PRDM13: variants seen among roughly 807,000 people sequenced by gnomAD.
PRDM13 encodes the protein PR/SET domain 13.
PRDM13 carries 15 observed loss-of-function variants against 36.4 expected under a neutral mutation model. The observed-to-expected ratio is 0.41, with a 90% CI of 0.28 to 0.64. The LOEUF (loss-of-function observed/expected upper bound fraction) is 0.64, where lower values mean the gene tolerates loss of function less well. Ranked by LOEUF, PRDM13 falls within the 30% of genes least tolerant of loss-of-function variation. The pLI is 0.29. For missense variants in PRDM13, 1,044 were observed against 1,013.5 expected (o/e 1.03, Z -0.41); for synonymous variants, 531 against 467.7 (o/e 1.14, Z -1.75).
Position 99,613,575 on chromosome 6 carries a change from G to A in PRDM13, c.940G>A (p.Glu314Lys). The A allele has an allele frequency of 6.6e-7, 1 of 1,506,068 alleles. No homozygotes were observed. The highest frequency in any genetic ancestry group is 1.2e-5 in the South Asian group (1 of 81,358). The allele number at this position is 1,506,068 out of a possible 1,614,324, so 93.3% of individuals were successfully genotyped here. The change falls in exon 4 of 4, where the codon GAG (glutamate) becomes AAG (lysine). Residue 314 changes from glutamate (E) to lysine (K), a missense_variant. This residue lies in a region of PRDM13 where 921 missense variants were observed against 865.2 expected (regional missense o/e 1.06). Coordinates refer to ENST00000369215, the MANE Select transcript of PRDM13 (RefSeq NM_021620.4). This position sits in a 1 kb window ranked among gnomAD's most constrained non-coding sequence, Gnocchi z 6.1. ...GGCCGCTCACGGCGACCCCTACCGG[G>A]AGGAGAGCAGCAGCAAGCAAGGAGC... ...AAAAHGDPYR[E>K]ESSSKQGAGL...
Position 99,608,682 on chromosome 6 carries a change from T to C in PRDM13, c.145-59T>C. On this transcript the variant is annotated intron_variant, in intron 1 of 3. Transcript: ENST00000369215. ...GGGTTGGGGTGGAGGATAAACTTTC[T>C]GTTTGGGTTGTGGGCCTGGCCAAGG... The C allele has an allele frequency of 3.2e-6, 5 of 1,540,400 alleles. No homozygotes were observed. In the South Asian group the frequency reaches 6.3e-5, roughly 19 times the overall value.
chr6:99,609,477 T>C (rs951551419), intron 3 of PRDM13, among the ~76,000 whole-genome samples, 170 bp downstream of exon 3: 3 of 151,962 alleles, frequency 2.0e-5, no homozygotes, highest in Non-Finnish European at 2.9e-5. Flanking sequence ...CCATAAACGA[T>C]AACAGTGATA....
chr6:99,608,963 A>T, intron 2 of PRDM13, 91 bp downstream of exon 2: 3 of 1,500,592 alleles, frequency 2.0e-6, no homozygotes, highest in Non-Finnish European at 2.7e-6. Context: ...TATTAAGAGC[A>T]AAGTACTTTA....
rs777548294 is a variant in PRDM13 at position 99,613,864 on chromosome 6, C to T, written c.1229C>T (p.Pro410Leu). Residue 410 changes from proline to leucine, a missense_variant, in exon 4 of 4, where the codon CCC (proline) becomes CTC (leucine). By Grantham distance (98) the Pro-to-Leu change is moderately conservative. Transcript: ENST00000369215. This position sits in a 1 kb window ranked among gnomAD's most constrained non-coding sequence, Gnocchi z 6.1. The part of the protein sequence containing the change: ...SAFKHVERAP[P>L]AAAALPGARY... ...TTCAAGCACGTGGAGCGCGCCCCGC[C>T]CGCAGCCGCCGCGCTGCCAGGAGCG... 18 of 1,509,222 alleles carry T rather than the reference C, an allele frequency of 1.2e-5. No homozygotes were observed. Among genetic ancestry groups the T allele is most frequent in the Non-Finnish European group, 1.6e-5 (18 of 1,136,152 alleles). 93.5% of individuals were successfully genotyped at this position (1,509,222 alleles called of 1,614,324 possible). A position where few individuals can be genotyped will look rare whatever the true frequency, so the allele number is the denominator to read the frequency against.
rs200937927 is a variant in PRDM13, at chr6:99,613,123, G to C, written c.488G>C (p.Ser163Thr). Reference sequence around the variant, plus strand: ...CACCTGCGTTTCCACTGCGTGTTCAGCGGCGGTGGAGGCGGCGCCTTCCTG... The same window carrying C: ...CACCTGCGTTTCCACTGCGTGTTCACCGGCGGTGGAGGCGGCGCCTTCCTG... ...KAHLRFHCVF[S>T]GGGGGAFLHH... Residue 163 changes from serine (S) to threonine (T), a missense_variant, in exon 4 of 4, where the codon AGC becomes ACC. Physicochemically the swap from Ser to Thr is moderately conservative, Grantham distance 58. Transcript: ENST00000369215. This position sits in a 1 kb window ranked among gnomAD's most constrained non-coding sequence, Gnocchi z 6.1. The C allele has an allele frequency of 2.6e-4, 422 of 1,613,472 alleles. 6 individuals are homozygous for C. In the Admixed American group the frequency reaches 6.9e-3, roughly 27 times the overall value.
chr6:99,609,394 G>A (rs1770000662), intron 3 of PRDM13, 87 bp downstream of exon 3: 4 of 1,502,070 alleles, frequency 2.7e-6, no homozygotes, highest in Non-Finnish European at 3.6e-6. Flanking sequence ...CTCGATCTAT[G>A]TAAAATGGAA....
intron 2 of PRDM13, 103 bp downstream of exon 2, chr6:99,608,975 C>T (rs1769993795): frequency 6.8e-7 from 1 of 1,468,384 alleles, no homozygotes; most frequent in African/African-American, 1.4e-5. Context: ...AGTACTTTAG[C>T]TAGACGTCTC....
Position 99,615,036 on chromosome 6 carries a change from C to G in PRDM13, c.*277C>G. On this transcript the variant is annotated 3_prime_UTR_variant, in exon 4 of 4. Transcript: ENST00000369215. Reference sequence around the variant, plus strand: ...TCTGGACTTCTTGGATGAGCTCACCCTGAACCGCCCAGGCGGTCTGCTCTT... The same window carrying G: ...TCTGGACTTCTTGGATGAGCTCACCGTGAACCGCCCAGGCGGTCTGCTCTT... 3 of 498,326 alleles carry G rather than the reference C, an allele frequency of 6.0e-6. 1 individual carries two copies. The Admixed American group carries it at 1.1e-4, about 19-fold the overall frequency. The allele number at this position is 498,326 out of a possible 1,614,324, so 30.9% of individuals were successfully genotyped here. A position where few individuals can be genotyped will look rare whatever the true frequency, so the allele number is the denominator to read the frequency against.
Position 99,613,490 on chromosome 6 carries a change from G to T in PRDM13, c.855G>T (p.Leu285=). The T allele has an allele frequency of 6.5e-7, 1 of 1,529,180 alleles. No homozygotes were observed. Among genetic ancestry groups the T allele is most frequent in the East Asian group, 2.5e-5 (1 of 40,316 alleles). The allele number at this position is 1,529,180 out of a possible 1,614,324, so 94.7% of individuals were successfully genotyped here. A position where few individuals can be genotyped will look rare whatever the true frequency, so the allele number is the denominator to read the frequency against. ...VGGSSAGVGS[L]AFYPGVRSAF... ...GCTCCTCGGCGGGGGTCGGCAGCCT[G>T]GCTTTCTACCCCGGCGTGCGCTCAG... The change falls in exon 4 of 4, where the codon CTG becomes CTT. Residue 285 remains leucine, a synonymous_variant. Transcript: ENST00000369215. This position sits in a 1 kb window ranked among gnomAD's most constrained non-coding sequence, Gnocchi z 6.1.
rs1188391791 is a variant in PRDM13, at chr6:99,613,923, C to T, written c.1288C>T (p.Pro430Ser). ...GCAGCTGCCCCCTGCGCCGGGGTTG[C>T]CCCTCGAGCGCTGCGCGCTGCCGCC... ...YAQLPPAPGLPLERCALPPLD... is the reference protein window; with the variant it reads ...YAQLPPAPGLSLERCALPPLD... Residue 430 changes from proline (P) to serine (S), a missense_variant, in exon 4 of 4, where the codon CCC (proline) becomes TCC (serine). Physicochemically the swap from Pro to Ser is moderately conservative, Grantham distance 74 (BLOSUM62 -1). Around this residue, in one of 3 missense-constraint regions of PRDM13, gnomAD observed 921 missense variants for 865.2 expected, o/e 1.06. Coordinates refer to ENST00000369215, the MANE Select transcript of PRDM13 (RefSeq NM_021620.4). The surrounding 1 kb of genome is among the most constrained non-coding windows in gnomAD (Gnocchi z 6.1). The T allele has an allele frequency of 1.9e-6, 3 of 1,586,658 alleles. No homozygotes were observed. Among genetic ancestry groups the T allele is most frequent in the Non-Finnish European group, 1.7e-6 (2 of 1,171,058 alleles).
At position 99,612,988 on chromosome 6, in the gene PRDM13, T is replaced by G. The variant is rs746225411; in HGVS notation, c.398-45T>G. ...CACTGGCGCTTTCTTTATGTCTCGCTTGTTCGCCTCTCACCGGGTCGCTTT... is the reference window on the plus strand; with the variant it reads ...CACTGGCGCTTTCTTTATGTCTCGCGTGTTCGCCTCTCACCGGGTCGCTTT... On this transcript the variant is annotated intron_variant, in intron 3 of 3. Coordinates refer to ENST00000369215, the MANE Select transcript of PRDM13 (RefSeq NM_021620.4). The G allele has an allele frequency of 3.1e-6, 5 of 1,606,464 alleles. No individual in the cohort carries two copies. The East Asian group carries it at 8.9e-5, about 29-fold the overall frequency.
chr6:99,613,426 C>A lies in PRDM13; in HGVS notation c.791C>A (p.Ala264Asp). 2.6e-6 allele frequency: 4 copies of A among 1,552,084 alleles called. No individual in the cohort carries two copies. The highest frequency in any genetic ancestry group is 3.7e-5 in the Admixed American group (2 of 53,480). The change falls in exon 4 of 4, where the codon GCC (alanine) becomes GAC (aspartate). Residue 264 changes from alanine (A) to aspartate (D), a missense_variant. By Grantham distance (126) the Ala-to-Asp change is moderately radical. Transcript: ENST00000369215. The surrounding 1 kb of genome is among the most constrained non-coding windows in gnomAD (Gnocchi z 6.1). ...GACCGTGCCCTGGACATGAGCGGAGCCGCCCGAGGACAAGGGCACTTCCTC... is the reference window on the plus strand; with the variant it reads ...GACCGTGCCCTGGACATGAGCGGAGACGCCCGAGGACAAGGGCACTTCCTC... ...QLDRALDMSG[A>D]ARGQGHFLGI...
In PRDM13 at chr6:99,614,309, C is replaced by T. The variant is rs1394673564; in HGVS notation, c.1674C>T (p.Gly558=). 1.3e-5 allele frequency: 21 copies of T among 1,603,392 alleles called. No individual in the cohort carries two copies. The highest frequency in any genetic ancestry group is 1.6e-4 in the Middle Eastern group (1 of 6,070). The stretch of plus-strand genomic sequence containing the variant: ...TCGCGGCGGCGGGAGGCACCGGGGG[C>T]GGCGGCAGCGGAGGCAGCGGCGCAG... ...PAVAAAGGTG[G]GGSGGSGAGK... is the part of the protein sequence containing the mutation. The change falls in exon 4 of 4, where the codon GGC becomes GGT. Residue 558 remains glycine (G), a synonymous_variant. Coordinates refer to ENST00000369215, the MANE Select transcript of PRDM13 (RefSeq NM_021620.4).
At chr6:99,607,953 G>A (rs330840) in intron 1 of PRDM13, among the ~76,000 whole-genome samples, 33,533 of 152,244 alleles carry the variant, frequency 0.22, 4,022 homozygotes, top group African/African-American at 0.27. Context: ...CCCGCTTTGG[G>A]GGCGTCCCAG....
At chr6:99,607,641 A>G (rs1007672129) in intron 1 of PRDM13, among the ~76,000 whole-genome samples, 1 of 147,768 alleles carries the variant, frequency 6.8e-6, no homozygotes, top group Non-Finnish European at 1.5e-5. Flanking sequence ...TTTTTTCCTG[A>G]AAAAAAAAAT....
chr6:99,612,952 T>C lies in PRDM13; in HGVS notation c.398-81T>C, dbSNP rs889204979. 4 of 1,563,358 alleles carry C rather than the reference T, an allele frequency of 2.6e-6. No individual in the cohort carries two copies. In the African/African-American group the frequency reaches 5.5e-5, roughly 21 times the overall value. ...ACACCGCTAGTCGAAACTTGGGCTT[T>C]GCCTTGGGTGCACTGGCGCTTTCTT... On this transcript the variant is annotated intron_variant, in intron 3 of 3. Coordinates refer to ENST00000369215, the MANE Select transcript of PRDM13 (RefSeq NM_021620.4).
rs867269687 is a variant in PRDM13, at chr6:99,613,648, G to T, written c.1013G>T (p.Arg338Leu). 2.1e-6 allele frequency: 3 copies of T among 1,428,334 alleles called. No individual in the cohort carries two copies. The Admixed American group carries it at 9.9e-5, about 47-fold the overall frequency. The allele number at this position is 1,428,334 out of a possible 1,614,324, so 88.5% of individuals were successfully genotyped here. A position where few individuals can be genotyped will look rare whatever the true frequency, so the allele number is the denominator to read the frequency against. The change falls in exon 4 of 4, where the codon CGC becomes CTC. Residue 338 changes from arginine (R) to leucine (L), a missense_variant. Arg to Leu is a moderately radical substitution (Grantham distance 102). Transcript: ENST00000369215. This position sits in a 1 kb window ranked among gnomAD's most constrained non-coding sequence, Gnocchi z 6.1. ...CTGGGCGGGGGCCGGGCGTGCGGGCGCCCCGGGAGCGGGGAGAACTCGGCG... is the reference window on the plus strand; with the variant it reads ...CTGGGCGGGGGCCGGGCGTGCGGGCTCCCCGGGAGCGGGGAGAACTCGGCG... Reference protein sequence around the residue: ...RLLGGGRACGRPGSGENSAAG... With the variant: ...RLLGGGRACGLPGSGENSAAG...
rs1333845969 is a variant in PRDM13 at position 99,614,389 on chromosome 6, A to G, written c.1754A>G (p.Lys585Arg). 1 of 1,613,436 alleles carries G rather than the reference A, an allele frequency of 6.2e-7. No homozygotes were observed. Among genetic ancestry groups the G allele is most frequent in the Admixed American group, 1.7e-5 (1 of 60,020 alleles). The part of the protein sequence containing the change: ...CLYCGKLYSR[K>R]YGLKIHMRTH... ...TACTGTGGCAAGCTGTACTCGCGCA[A>G]GTATGGGCTCAAGATCCACATGCGG... Residue 585 changes from lysine to arginine, a missense_variant, in exon 4 of 4, where the codon AAG becomes AGG. Transcript: ENST00000369215.
intron 3 of PRDM13, among the ~76,000 whole-genome samples, chr6:99,609,965 TA>T (rs1367453498): frequency 7.2e-5 from 11 of 152,104 alleles, no homozygotes; most frequent in African/African-American, 2.7e-4. Context: ...TTCCACAGAG[TA>T]TAACTCAAAC....
Sources: gnomAD v4.1 joint callset for allele counts (sites outside exome capture counted in the v4.1 genomes callset) on GRCh38, gnomAD v4.1.1 for gene constraint, gnomAD v4.1.1 regional missense constraint, Gnocchi (gnomAD v3.1) non-coding constraint, MANE v1.5 for transcripts, NCBI Gene and HGNC (gene_info 2026-07-23, HGNC 2026-07-21) for gene names.